RAD51B: variants seen among roughly 807,000 people sequenced by gnomAD.
The protein encoded by RAD51B is RAD51 paralog B, also known as DNA repair protein RAD51 homolog 2.
A neutral mutation model predicts 42.2 loss-of-function variants in RAD51B; 38 were observed. The observed-to-expected ratio is 0.90, with a 90% CI of 0.70 to 1.18. The LOEUF (loss-of-function observed/expected upper bound fraction) is 1.18, where lower values mean the gene tolerates loss of function less well. Among genes scored for constraint, RAD51B ranks in the 50% most tolerant of loss-of-function variants. RAD51B has a pLI of 0.00. For missense variants in RAD51B, 373 were observed against 400.7 expected (o/e 0.93, Z 0.59); for synonymous variants, 154 against 145.2 (o/e 1.06, Z -0.43).
At chr14:68,483,258 G>A (rs1950165575) in intron 10 of RAD51B, among the ~76,000 whole-genome samples, 1 of 152,162 alleles carries the variant, frequency 6.6e-6, no homozygotes, top group Non-Finnish European at 1.5e-5. Context: ...TACCCAGTGG[G>A]CTTGCAAATG....
intron 8 of RAD51B, among the ~76,000 whole-genome samples, chr14:68,365,727 T>C (rs2083129021): frequency 6.6e-6 from 1 of 152,222 alleles, no homozygotes; most frequent in South Asian, 2.1e-4. Flanking sequence ...CTGTATAAAC[T>C]GTATGGCAGT....
chr14:68,140,422 A>C (rs1174349439), intron 7 of RAD51B, among the ~76,000 whole-genome samples: 1 of 152,222 alleles, frequency 6.6e-6, no homozygotes, highest in Non-Finnish European at 1.5e-5. Context: ...TGCTGATGTC[A>C]TGGAAAACCA....
chr14:68,511,156 C>A (rs1049828272), intron 10 of RAD51B, among the ~76,000 whole-genome samples: 1 of 152,144 alleles, frequency 6.6e-6, no homozygotes, highest in Non-Finnish European at 1.5e-5. Flanking sequence ...TGCTTTGGGA[C>A]ACCTCTAGGA....
intron 10 of RAD51B, among the ~76,000 whole-genome samples, chr14:68,473,375 C>A (rs10142629): frequency 0.13 from 20,115 of 152,134 alleles, 1,603 homozygotes; most frequent in East Asian, 0.47. Flanking sequence ...TAGGCCAAGG[C>A]GCTCTCCTTT....
intron 8 of RAD51B, among the ~76,000 whole-genome samples, chr14:68,389,140 G>C (rs189291698): frequency 6.6e-6 from 1 of 152,166 alleles, no homozygotes; most frequent in Middle Eastern, 3.4e-3. Context: ...AGTATAATAT[G>C]TAAACAAAAA....
chr14:68,174,353 G>A (rs2078925921), intron 7 of RAD51B, among the ~76,000 whole-genome samples: 1 of 147,734 alleles, frequency 6.8e-6, no homozygotes, highest in African/African-American at 2.5e-5. Context: ...ACTCTAGCTT[G>A]GGCAAAAAAA....
intron 8 of RAD51B, among the ~76,000 whole-genome samples, chr14:68,323,848 A>G (rs2082200013): frequency 6.6e-6 from 1 of 152,186 alleles, no homozygotes; most frequent in African/African-American, 2.4e-5. Flanking sequence ...CACACAGAGA[A>G]TGGAAGCGGG....
At chr14:68,381,665 G>A (rs1380265494) in intron 8 of RAD51B, among the ~76,000 whole-genome samples, 1 of 152,168 alleles carries the variant, frequency 6.6e-6, no homozygotes, top group African/African-American at 2.4e-5. Context: ...AGGCGACAGA[G>A]CAAGACTCCG....
rs1238769186 is a variant in RAD51B, at chr14:68,272,691, T to A, written c.757-19193T>A. ...TTTTTTTTTTTTTTTTTTTTTTTTT[T>A]TTTTTTTTTTTTGAGATGGAGTCTC... On this transcript the variant is annotated intron_variant, in intron 7 of 10. Transcript: ENST00000471583. 1.5e-4 allele frequency among the ~76,000 whole-genome samples: 9 copies of A among 61,954 alleles called. No homozygotes were observed. In the East Asian group the frequency reaches 3.6e-3, roughly 25 times the overall value. The allele number at this position is 61,954 out of a possible 152,430, so 40.6% of individuals were successfully genotyped here.
At chr14:68,162,213 G>C (rs2078654183) in intron 7 of RAD51B, among the ~76,000 whole-genome samples, 3 of 152,144 alleles carry the variant, frequency 2.0e-5, no homozygotes, top group Non-Finnish European at 4.4e-5. Flanking sequence ...AATTTCCATA[G>C]AAGCTAACTT....
chr14:68,357,978 G>GTTCTTGGCCTAATTTCAATA (rs1461264434), intron 8 of RAD51B, among the ~76,000 whole-genome samples: 1 of 152,292 alleles, frequency 6.6e-6, no homozygotes, highest in Non-Finnish European at 1.5e-5. Context: ...TAATTTCAAT[G>GTTCTTGGCCTAATTTCAATA]TTCTTGGCCT....
chr14:67,822,151 A>G (rs1014353811), intron 1 of RAD51B: 2 of 152,190 alleles, frequency 1.3e-5, no homozygotes, highest in Admixed American at 1.3e-4. Context: ...TCTGATAACT[A>G]TATTGCTTTA....
intron 7 of RAD51B, among the ~76,000 whole-genome samples, chr14:68,087,161 A>T (rs2076998350): frequency 6.6e-6 from 1 of 151,384 alleles, no homozygotes; most frequent in East Asian, 1.9e-4. Flanking sequence ...AGAGAGAGAG[A>T]TGCCTGTGAC....
chr14:68,439,786 A>G (rs1407688419), intron 9 of RAD51B, among the ~76,000 whole-genome samples: 1 of 152,250 alleles, frequency 6.6e-6, no homozygotes, highest in East Asian at 1.9e-4. Flanking sequence ...ATGGCTGGAA[A>G]TAATGTCTCA....
At chr14:68,278,598 TTTAAATA>T (rs1278913539) in intron 7 of RAD51B, among the ~76,000 whole-genome samples, 2 of 152,236 alleles carry the variant, frequency 1.3e-5, no homozygotes, top group African/African-American at 4.8e-5. Flanking sequence ...CACTGGGTAC[TTTAAATA>T]AAGGGGTGCT....
chr14:68,262,836 C>T (rs915276491), intron 7 of RAD51B, among the ~76,000 whole-genome samples: 1 of 152,166 alleles, frequency 6.6e-6, no homozygotes, highest in Admixed American at 6.5e-5. Flanking sequence ...TGTTTATTGC[C>T]ATTAAATTAT....
At chr14:68,033,709 C>T (rs1312535263) in intron 7 of RAD51B, among the ~76,000 whole-genome samples, 1 of 152,184 alleles carries the variant, frequency 6.6e-6, no homozygotes, top group East Asian at 1.9e-4. Context: ...ACAGCCCTTC[C>T]CGCAGACTGC....
intron 7 of RAD51B, among the ~76,000 whole-genome samples, chr14:67,923,113 A>C (rs531270228): frequency 6.6e-6 from 1 of 152,276 alleles, no homozygotes; most frequent in Admixed American, 6.5e-5. Context: ...AAGTAAGAAC[A>C]TACAACGTTT....
rs148799997 is a variant in RAD51B, at chr14:68,552,177, G to A, written c.1037-42308G>A. Among the ~76,000 whole-genome samples, 593 of 152,282 alleles carry A rather than the reference G, an allele frequency of 3.9e-3. 8 individuals are homozygous for A. Among genetic ancestry groups the A allele is most frequent in the Admixed American group, 4.5e-3 (69 of 15,296 alleles). The stretch of plus-strand genomic sequence containing the variant: ...GTGATGCTGGCCAGTGCTCGAAACC[G>A]CTGTCCCCACTTCACTACAGCCTCT... On this transcript the variant is annotated intron_variant, in intron 10 of 10. Coordinates refer to the RAD51B transcript ENST00000487270.
Sources: gnomAD v4.1 joint callset for allele counts (sites outside exome capture counted in the v4.1 genomes callset) on GRCh38, gnomAD v4.1.1 for gene constraint, MANE v1.5 for transcripts, NCBI Gene and HGNC (gene_info 2026-07-23, HGNC 2026-07-21) for gene names.